Variants in CD44 observed in about 807,000 individuals in gnomAD.
The protein encoded by CD44 is CD44 molecule (IN blood group).
Under a neutral mutation model 88.8 loss-of-function variants are expected in CD44, and 49 were observed. The observed-to-expected ratio is 0.55, with a 90% confidence interval of 0.44 to 0.70. The LOEUF is 0.70. CD44 is among the 30% of genes least tolerant of loss of function. The pLI, the probability that CD44 is intolerant of heterozygous loss-of-function variation, is 0.00. For synonymous variants in CD44, 325 were observed against 312.3 expected, an observed-to-expected ratio of 1.04 and a Z score of -0.43; for missense variants, 883 against 913.8, an observed-to-expected ratio of 0.97 and a Z score of 0.43.
intron 1 of CD44, among the ~76,000 whole-genome samples, chr11:35,153,857 CT>C (rs1770940932): frequency 6.6e-6 from 1 of 152,176 alleles, no homozygotes; most frequent in African/African-American, 2.4e-5. Context: ...CTTGAGGACC[CT>C]TGTTGTCAGA....
At chr11:35,144,920 A>G (rs1858818269) in intron 1 of CD44, among the ~76,000 whole-genome samples, 1 of 152,232 alleles carries the variant, frequency 6.6e-6, no homozygotes. Flanking sequence ...GGACATGTGT[A>G]CTTTGGAGGT....
chr11:35,180,527 T>C (rs1944887299), intron 3 of CD44, 120 bp downstream of exon 3: 1 of 1,079,754 alleles, frequency 9.3e-7, no homozygotes, highest in Non-Finnish European at 1.4e-6. Flanking sequence ...ACTGAATATC[T>C]GTACAGCAGA....
chr11:35,217,821 T>C (rs1001343064), intron 15 of CD44, among the ~76,000 whole-genome samples: 8 of 152,212 alleles, frequency 5.3e-5, no homozygotes, highest in Admixed American at 1.3e-4. Context: ...TTCATTTTGG[T>C]GGAACACTTT....
intron 17 of CD44, 51 bp from the exon 18 acceptor site, chr11:35,229,078 T>G: frequency 7.0e-7 from 1 of 1,426,262 alleles, no homozygotes; most frequent in Non-Finnish European, 9.8e-7. Flanking sequence ...GATGATCTGA[T>G]GCCTGAGTCA....
At chr11:35,204,983 A>G in intron 10 of CD44, 1 of 204,374 alleles carries the variant, frequency 4.9e-6, no homozygotes. Context: ...TCTACTCTAT[A>G]ATGTGGGTCC....
At chr11:35,145,502 G>A (rs1182976245) in intron 1 of CD44, among the ~76,000 whole-genome samples, 1 of 152,048 alleles carries the variant, frequency 6.6e-6, no homozygotes, top group African/African-American at 2.4e-5. Context: ...TGCGGCTTTG[G>A]TGGCTGCCTG....
intron 1 of CD44, among the ~76,000 whole-genome samples, chr11:35,154,724 A>G (rs769895842): frequency 2.0e-5 from 3 of 152,170 alleles, no homozygotes; most frequent in African/African-American, 4.8e-5. Context: ...GCTACAACCC[A>G]TCTATGCATC....
chr11:35,168,733 C>T (rs181503357), intron 1 of CD44, among the ~76,000 whole-genome samples: 8 of 152,312 alleles, frequency 5.3e-5, no homozygotes, highest in Admixed American at 3.9e-4. Context: ...AATCTGGAGA[C>T]GTCTGGTCTG....
intron 3 of CD44, among the ~76,000 whole-genome samples, chr11:35,182,770 C>G (rs1371624142): frequency 1.3e-5 from 2 of 152,194 alleles, no homozygotes; most frequent in African/African-American, 4.8e-5. Flanking sequence ...TCCTGAGTCT[C>G]TGGGCACTGC....
chr11:35,223,723 C>T (rs186766219), intron 17 of CD44, among the ~76,000 whole-genome samples: 73 of 152,266 alleles, frequency 4.8e-4, no homozygotes, highest in Middle Eastern at 3.4e-3. Flanking sequence ...AGATTTGCCA[C>T]GCAGCTAAAA....
In CD44 at chr11:35,204,624, G is replaced by T. The variant is rs546397935; in HGVS notation, c.1266G>T (p.Ser422=). ...AAACACCCAAAGAAGACTCCCATTC[G>T]ACAACAGGGACAGCTGGTAATGGAT... is the stretch of plus-strand genomic sequence containing the variant. ...YRQTPKEDSH[S]TTGTAAASAH... is the part of the protein sequence containing the mutation. The change falls in exon 10 of 18, where the codon TCG becomes TCT. Residue 422 remains serine, a synonymous_variant. Coordinates refer to ENST00000428726, the MANE Select transcript of CD44 (RefSeq NM_000610.4). The T allele has an allele frequency of 1.9e-6, 3 of 1,613,088 alleles. No individual in the cohort carries two copies. The highest frequency in any genetic ancestry group is 2.5e-6 in the Non-Finnish European group (3 of 1,179,260).
At chr11:35,177,114 T>C (rs7131335) in intron 2 of CD44, 3,973 of 169,462 alleles carry the variant, frequency 0.023, 166 homozygotes, top group African/African-American at 0.089. Flanking sequence ...GCTGTTAGAG[T>C]CTTGGCCCTG....
intron 1 of CD44, among the ~76,000 whole-genome samples, chr11:35,175,919 G>T: frequency 6.8e-6 from 1 of 146,536 alleles, no homozygotes; most frequent in Middle Eastern, 3.6e-3. Flanking sequence ...AGGCTGGAGT[G>T]TAGTGGCATG....
chr11:35,205,852 C>T, intron 10 of CD44: 1 of 1,095,844 alleles, frequency 9.1e-7, no homozygotes, highest in East Asian at 5.6e-5. Context: ...GTCGGTAACT[C>T]ATCCTTTCTG....
Position 35,204,602 on chromosome 11 carries a change from C to T in CD44, c.1244C>T (p.Thr415Ile). 1 of 1,613,278 alleles carries T rather than the reference C, an allele frequency of 6.2e-7. No homozygotes were observed. ...GNRWHEGYRQ[T>I]PKEDSHSTTG... is the part of the protein sequence containing the mutation. ...AGATGGCATGAGGGATATCGCCAAA[C>T]ACCCAAAGAAGACTCCCATTCGACA... The change falls in exon 10 of 18, where the codon ACA becomes ATA. Residue 415 changes from threonine to isoleucine, a missense_variant. Transcript: ENST00000428726.
intron 1 of CD44, among the ~76,000 whole-genome samples, chr11:35,169,114 C>T (rs551695661): frequency 1.3e-5 from 2 of 152,240 alleles, no homozygotes; most frequent in Middle Eastern, 3.4e-3. Context: ...GATCTTTTTG[C>T]ACCCTATAAG....
At chr11:35,201,282 A>G in intron 8 of CD44, 87 bp downstream of exon 8, 1 of 907,048 alleles carries the variant, frequency 1.1e-6, no homozygotes, top group Non-Finnish European at 1.8e-6. Context: ...GCACAGTGGG[A>G]AATTTAGTTA....
intron 10 of CD44, chr11:35,205,864 A>G: frequency 8.9e-7 from 1 of 1,125,260 alleles, no homozygotes; most frequent in Non-Finnish European, 1.1e-6. Context: ...TCCTTTCTGC[A>G]CTGCGGGAGT....
In CD44 at chr11:35,206,242, G is replaced by A. The variant is rs748506457; in HGVS notation, c.1413G>A (p.Met471Ile). The A allele has an allele frequency of 6.2e-7, 1 of 1,606,106 alleles. No individual in the cohort carries two copies. The highest frequency in any genetic ancestry group is 8.5e-7 in the Non-Finnish European group (1 of 1,176,638). ...GAGGTCATCAAGCAGGAAGAAGGATGGGTAATAGCCTCTGAGATTTTTATA... is the reference window on the plus strand; with the variant it reads ...GAGGTCATCAAGCAGGAAGAAGGATAGGTAATAGCCTCTGAGATTTTTATA... The part of the protein sequence containing the change: ...MGRGHQAGRR[M>I]DMDSSHSITL... Residue 471 changes from methionine (M) to isoleucine (I), a missense_variant and splice_region_variant, in exon 11 of 18, where the codon ATG (methionine) becomes ATA (isoleucine). Around this residue, in one of 2 missense-constraint regions of CD44, gnomAD observed 631 missense variants for 590.9 expected, o/e 1.07. Coordinates refer to ENST00000428726, the MANE Select transcript of CD44 (RefSeq NM_000610.4).
Sources: gnomAD v4.1 joint callset for allele counts (sites outside exome capture counted in the v4.1 genomes callset) on GRCh38, gnomAD v4.1.1 for gene constraint, gnomAD v4.1.1 regional missense constraint, MANE v1.5 for transcripts, NCBI Gene and HGNC (gene_info 2026-07-23, HGNC 2026-07-21) for gene names.